The following UBASH3B variants were observed in gnomAD, a reference collection of about 807,000 sequenced individuals.
UBASH3B encodes ubiquitin-associated and SH3 domain-containing protein B.
Under a neutral mutation model 83.4 loss-of-function variants are expected in UBASH3B, and 37 were observed. That is an observed-to-expected ratio of 0.44 (90% confidence interval 0.34 to 0.58). The LOEUF (loss-of-function observed/expected upper bound fraction) is 0.58, where lower values mean the gene tolerates loss of function less well. UBASH3B is among the 20% of genes least tolerant of loss of function. The probability of loss-of-function intolerance (pLI) is 0.01; values close to 1 mark genes in which losing one functional copy is unlikely to be tolerated. For synonymous variants in UBASH3B, 304 were observed against 318.3 expected, an observed-to-expected ratio of 0.96 and a Z score of 0.48; for missense variants, 657 against 827.2, an observed-to-expected ratio of 0.79 and a Z score of 2.52.
intron 11 of UBASH3B, among the ~76,000 whole-genome samples, chr11:122,804,176 G>T (rs1295667325): frequency 2.6e-5 from 4 of 152,128 alleles, no homozygotes; most frequent in African/African-American, 9.7e-5. Context: ...ATGGGCCTGG[G>T]AGATGAGGTG....
At chr11:122,798,135 C>G (rs1049715744) in intron 9 of UBASH3B, among the ~76,000 whole-genome samples, 1 of 151,754 alleles carries the variant, frequency 6.6e-6, no homozygotes, top group Non-Finnish European at 1.5e-5. Flanking sequence ...AGTGACAGAG[C>G]AAAACCCTAT....
At chr11:122,683,190 A>G (rs919093815) in intron 1 of UBASH3B, among the ~76,000 whole-genome samples, 1 of 150,624 alleles carries the variant, frequency 6.6e-6, no homozygotes, top group Non-Finnish European at 1.5e-5. Flanking sequence ...TCGAGGCTGC[A>G]GTGAGCCGCC....
chr11:122,700,117 G>A (rs1864023229), intron 1 of UBASH3B, among the ~76,000 whole-genome samples: 1 of 152,146 alleles, frequency 6.6e-6, no homozygotes, highest in Non-Finnish European at 1.5e-5. Flanking sequence ...ACATCTGAGA[G>A]GCCAAGAGAA....
chr11:122,705,760 TG>T (rs920616290), intron 1 of UBASH3B, among the ~76,000 whole-genome samples: 1 of 152,160 alleles, frequency 6.6e-6, no homozygotes. Flanking sequence ...ATAGGGAGGC[TG>T]GGGGGCTTTG....
intron 6 of UBASH3B, among the ~76,000 whole-genome samples, chr11:122,792,312 CTTTTTTTTTTTTTTAA>C (rs1861071489): frequency 7.7e-6 from 1 of 129,222 alleles, no homozygotes; most frequent in Non-Finnish European, 1.7e-5. Flanking sequence ...TTTTTTTTTT[CTTTTTTTTTTTTTTAA>C]TTTTTTCTGA....
intron 1 of UBASH3B, among the ~76,000 whole-genome samples, chr11:122,767,107 G>A (rs140345204): frequency 0.069 from 10,480 of 151,904 alleles, 422 homozygotes; most frequent in South Asian, 0.13. Context: ...GTGAAACCGC[G>A]TCTCTACTAA....
chr11:122,662,732 A>C (rs1187948901), intron 1 of UBASH3B, among the ~76,000 whole-genome samples: 3 of 151,976 alleles, frequency 2.0e-5, no homozygotes, highest in African/African-American at 7.3e-5. Flanking sequence ...CGCCCAGCCC[A>C]GTTGCTTTCT....
chr11:122,770,193 G>C (rs1860618492), intron 1 of UBASH3B, among the ~76,000 whole-genome samples: 1 of 152,156 alleles, frequency 6.6e-6, no homozygotes, highest in Non-Finnish European at 1.5e-5. Flanking sequence ...GCAAAGTCAA[G>C]GACAATACAG....
chr11:122,665,813 G>A (rs950164055), intron 1 of UBASH3B, among the ~76,000 whole-genome samples: 1 of 152,164 alleles, frequency 6.6e-6, no homozygotes, highest in Non-Finnish European at 1.5e-5. Context: ...CCAAAGTGCT[G>A]GTTAAATAAG....
chr11:122,728,678 C>G (rs1018513966), intron 1 of UBASH3B, among the ~76,000 whole-genome samples: 1 of 152,234 alleles, frequency 6.6e-6, no homozygotes, highest in Non-Finnish European at 1.5e-5. Context: ...CATTCAGCAA[C>G]ATTTGTTGAG....
chr11:122,755,611 G>A (rs1028122312), intron 1 of UBASH3B, among the ~76,000 whole-genome samples: 1 of 152,114 alleles, frequency 6.6e-6, no homozygotes, highest in African/African-American at 2.4e-5. Context: ...GCCCTGAGCT[G>A]CTTATCTCTC....
chr11:122,690,198 A>T lies in UBASH3B; in HGVS notation c.161+33988A>T, dbSNP rs1294000922. ...TATATATATATATATATATATATAT[A>T]TATATATATATCCAATTATATATAT... On this transcript the variant is annotated intron_variant, in intron 1 of 13. Coordinates refer to ENST00000284273, the MANE Select transcript of UBASH3B (RefSeq NM_032873.5). Among the ~76,000 whole-genome samples, 2 of 23,748 alleles carry T rather than the reference A, an allele frequency of 8.4e-5. 1 individual carries two copies. Among genetic ancestry groups the T allele is most frequent in the African/African-American group, 2.8e-4 (2 of 7,152 alleles). 15.6% of individuals were successfully genotyped at this position (23,748 alleles called of 152,430 possible). A position where few individuals can be genotyped will look rare whatever the true frequency, so the allele number is the denominator to read the frequency against.
chr11:122,748,366 A>G (rs929931843), intron 1 of UBASH3B, among the ~76,000 whole-genome samples: 1 of 152,178 alleles, frequency 6.6e-6, no homozygotes, highest in African/African-American at 2.4e-5. Context: ...CTTCATCCAG[A>G]TTCAGTAACG....
intron 1 of UBASH3B, among the ~76,000 whole-genome samples, chr11:122,721,244 C>CAAAAAAAAA (rs34298191): frequency 1.4e-5 from 1 of 73,144 alleles, no homozygotes; most frequent in Non-Finnish European, 2.5e-5. Context: ...GACTGTGTCT[C>CAAAAAAAAA]AAAAAAAAAA....
At chr11:122,781,191 C>G (rs576948269) in intron 4 of UBASH3B, among the ~76,000 whole-genome samples, 1 of 151,642 alleles carries the variant, frequency 6.6e-6, no homozygotes, top group East Asian at 1.9e-4. Flanking sequence ...CTCTTCCTCT[C>G]CCTCAGCGAC....
intron 1 of UBASH3B, among the ~76,000 whole-genome samples, chr11:122,762,641 C>A (rs1401090955): frequency 6.6e-6 from 1 of 152,226 alleles, no homozygotes; most frequent in Non-Finnish European, 1.5e-5. Context: ...GTCATGTGCG[C>A]TCTTCAGTAG....
At chr11:122,738,126 A>G (rs1429009150) in intron 1 of UBASH3B, among the ~76,000 whole-genome samples, 1 of 152,228 alleles carries the variant, frequency 6.6e-6, no homozygotes, top group Non-Finnish European at 1.5e-5. Context: ...CAAAAATCCC[A>G]TTGAATAGAG....
chr11:122,750,850 T>G (rs976844692), intron 1 of UBASH3B, among the ~76,000 whole-genome samples: 2 of 152,208 alleles, frequency 1.3e-5, no homozygotes, highest in East Asian at 3.8e-4. Flanking sequence ...CTTGCCCCTC[T>G]TGTCAGCCTC....
intron 1 of UBASH3B, among the ~76,000 whole-genome samples, chr11:122,727,203 A>G (rs1860756830): frequency 6.6e-6 from 1 of 152,142 alleles, no homozygotes; most frequent in African/African-American, 2.4e-5. Flanking sequence ...GTGCTCCCCC[A>G]GTTTCTGTTG....
Sources: allele counts gnomAD v4.1 joint callset (sites outside exome capture counted in the v4.1 genomes callset), GRCh38; gene constraint gnomAD v4.1.1; transcripts MANE v1.5; gene names NCBI Gene and HGNC (gene_info 2026-07-23, HGNC 2026-07-21).